HERC4: variants seen among roughly 807,000 people sequenced by gnomAD.
HERC4 encodes probable E3 ubiquitin-protein ligase HERC4.
HERC4 carries 28 observed loss-of-function variants against 124.3 expected under a neutral mutation model. The observed-to-expected ratio is 0.23, with a 90% confidence interval of 0.17 to 0.31. The LOEUF (loss-of-function observed/expected upper bound fraction) is 0.31. HERC4 is among the 10% of genes least tolerant of loss of function. The pLI, the probability that HERC4 is intolerant of heterozygous loss-of-function variation, is 1.00. For synonymous variants in HERC4, 407 were observed against 421.5 expected, an observed-to-expected ratio of 0.97 and a Z score of 0.42; for missense variants, 713 against 1,229.3, an observed-to-expected ratio of 0.58 and a Z score of 6.28.
chr10:68,044,431 C>A lies in HERC4; in HGVS notation c.359G>T (p.Gly120Val). Residue 120 changes from glycine to valine, a missense_variant, in exon 4 of 25, where the codon GGA (glycine) becomes GTA (valine). Physicochemically the swap from Gly to Val is moderately radical, Grantham distance 109. Coordinates refer to ENST00000373700, the MANE Select transcript of HERC4 (RefSeq NM_015601.4). Reference protein sequence around the residue: ...LDSDGQLGLVGSEECIRVPRN... With the variant: ...LDSDGQLGLVVSEECIRVPRN... ...GGGTACTCTGATGCATTCCTCTGAT[C>A]CTACCAGGCCAAGCTGTCCATCAGA... 6.2e-7 allele frequency: 1 copy of A among 1,614,020 alleles called. No homozygotes were observed. The highest frequency in any genetic ancestry group is 8.5e-7 in the Non-Finnish European group (1 of 1,179,994).
At chr10:68,040,888 CAA>C (rs1251801625) in intron 4 of HERC4, among the ~76,000 whole-genome samples, 8 of 61,120 alleles carry the variant, frequency 1.3e-4, no homozygotes, top group Admixed American at 3.9e-4. Context: ...AATTCCGTCT[CAA>C]AAAAAAAAAA....
At chr10:67,927,430 A>ATATTT (rs1564911511) in intron 23 of HERC4, among the ~76,000 whole-genome samples, 8 of 37,918 alleles carry the variant, frequency 2.1e-4, no homozygotes, top group Admixed American at 3.7e-4. Context: ...ATATATATAT[A>ATATTT]TTTTTTTTTT....
At chr10:67,959,001 T>C in intron 16 of HERC4, 1 of 693,376 alleles carries the variant, frequency 1.4e-6, no homozygotes, top group Non-Finnish European at 2.4e-6. Context: ...ATATATCTAT[T>C]TATTTACATT....
intron 8 of HERC4, among the ~76,000 whole-genome samples, chr10:68,022,993 A>G (rs1308825602): frequency 6.6e-6 from 1 of 152,116 alleles, no homozygotes; most frequent in Non-Finnish European, 1.5e-5. Flanking sequence ...TACACGTATT[A>G]AAATAGGTAT....
Position 67,932,592 on chromosome 10 carries a change from C to T in HERC4, c.2838+5G>A. On this transcript the variant is annotated splice_donor_5th_base_variant and intron_variant, in intron 23 of 24. Coordinates refer to ENST00000373700, the MANE Select transcript of HERC4 (RefSeq NM_015601.4). ...TAACAATATCAGAGATTAGTTTTCC[C>T]CTACCTTTTCCAGTTCCTTCCAATC... The T allele has an allele frequency of 1.5e-5, 24 of 1,601,228 alleles. No homozygotes were observed. Among genetic ancestry groups the T allele is most frequent in the Non-Finnish European group, 2.0e-5 (24 of 1,175,732 alleles).
intron 15 of HERC4, among the ~76,000 whole-genome samples, chr10:67,970,591 CA>C (rs34981836): frequency 0.13 from 14,866 of 111,722 alleles, 747 homozygotes; most frequent in Admixed American, 0.18. Flanking sequence ...GACTCTGTCT[CA>C]AAAAAAAAAA....
At chr10:68,049,590 CA>C (rs766514516) in intron 3 of HERC4, among the ~76,000 whole-genome samples, 457 of 42,596 alleles carry the variant, frequency 0.011, 1 homozygote, top group Non-Finnish European at 0.015. Flanking sequence ...GACACTGCCA[CA>C]AAAAAAAAAA....
chr10:67,976,769 G>C (rs1202218013), intron 15 of HERC4, among the ~76,000 whole-genome samples: 1 of 152,160 alleles, frequency 6.6e-6, no homozygotes. Flanking sequence ...CAATTGTTAG[G>C]CATTGAGCTC....
chr10:68,028,968 C>T (rs992755739), intron 7 of HERC4, among the ~76,000 whole-genome samples: 1 of 151,886 alleles, frequency 6.6e-6, no homozygotes, highest in African/African-American at 2.4e-5. Context: ...ACCAGGAGTA[C>T]CAGACCAGCC....
At chr10:68,064,474 A>T (rs191022225) in intron 3 of HERC4, among the ~76,000 whole-genome samples, 39 of 151,046 alleles carry the variant, frequency 2.6e-4, no homozygotes, top group African/African-American at 9.5e-4. Flanking sequence ...GAATCATCTG[A>T]ACCTGGGAGG....
intron 7 of HERC4, among the ~76,000 whole-genome samples, chr10:68,031,323 C>T (rs2039189966): frequency 6.6e-6 from 1 of 152,068 alleles, no homozygotes; most frequent in Admixed American, 6.6e-5. Flanking sequence ...GGAATGACAC[C>T]ACACATGATA....
chr10:68,025,943 T>C (rs1011368524), intron 7 of HERC4, among the ~76,000 whole-genome samples: 4 of 152,196 alleles, frequency 2.6e-5, no homozygotes, highest in African/African-American at 9.7e-5. Flanking sequence ...TTCATTATCA[T>C]TATACTGTCT....
intron 23 of HERC4, among the ~76,000 whole-genome samples, chr10:67,927,725 G>A (rs939222219): frequency 5.9e-5 from 9 of 151,812 alleles, no homozygotes; most frequent in African/African-American, 1.7e-4. Context: ...GCGCCCGGCC[G>A]CTACAATATA....
intron 15 of HERC4, among the ~76,000 whole-genome samples, chr10:67,973,487 A>C (rs2035377228): frequency 6.6e-6 from 1 of 152,226 alleles, no homozygotes; most frequent in South Asian, 2.1e-4. Context: ...TTGTTACAGA[A>C]TATTACTATG....
At chr10:68,051,780 C>G (rs376125023) in intron 3 of HERC4, among the ~76,000 whole-genome samples, 2 of 151,604 alleles carry the variant, frequency 1.3e-5, no homozygotes, top group East Asian at 3.9e-4. Context: ...ACCCCGCCTC[C>G]GAGGCTCAAG....
intron 3 of HERC4, among the ~76,000 whole-genome samples, chr10:68,050,299 A>G (rs1340670541): frequency 6.6e-6 from 1 of 152,254 alleles, no homozygotes; most frequent in Non-Finnish European, 1.5e-5. Flanking sequence ...GTGTATTTAA[A>G]TTGCTTTGAT....
rs561349262 is a variant in HERC4 at position 67,966,597 on chromosome 10, T to G, written c.1926+86A>C. The G allele has an allele frequency of 1.0e-4, 133 of 1,333,724 alleles. No individual in the cohort carries two copies. In the East Asian group the frequency reaches 2.8e-3, roughly 28 times the overall value. The allele number at this position is 1,333,724 out of a possible 1,614,324, so 82.6% of individuals were successfully genotyped here. The stretch of plus-strand genomic sequence containing the variant: ...CTGGATAAAAGTTCTGAAAAAACTT[T>G]CTCATTTCAAAACCAAGCAATTGTT... On this transcript the variant is annotated intron_variant, in intron 16 of 24. Coordinates refer to ENST00000373700, the MANE Select transcript of HERC4 (RefSeq NM_015601.4).
chr10:67,927,418 ATATATATATATATTT>A (rs2031200468), intron 23 of HERC4, among the ~76,000 whole-genome samples: 3 of 8,714 alleles, frequency 3.4e-4, no homozygotes, highest in Admixed American at 1.1e-3. Flanking sequence ...ATATATATAT[ATATATATATATATTT>A]TTTTTTTTTT....
chr10:67,935,496 A>G (rs1161856128), intron 22 of HERC4, among the ~76,000 whole-genome samples: 1 of 152,106 alleles, frequency 6.6e-6, no homozygotes, highest in East Asian at 1.9e-4. Flanking sequence ...AGGATCTTTC[A>G]CTATACGGTA....
Sources: gnomAD v4.1 joint callset for allele counts (sites outside exome capture counted in the v4.1 genomes callset) on GRCh38, gnomAD v4.1.1 for gene constraint, MANE v1.5 for transcripts, NCBI Gene and HGNC (gene_info 2026-07-23, HGNC 2026-07-21) for gene names.